CFAP54: variants seen among roughly 807,000 people sequenced by gnomAD.
CFAP54 encodes the protein cilia and flagella associated protein 54, also known as cilia- and flagella-associated protein 54.
In CFAP54, 290 loss-of-function variants were observed where a neutral mutation model predicts 370.4. That is an observed-to-expected ratio of 0.78 (90% CI 0.71 to 0.86). The LOEUF is 0.86. Ranked by LOEUF, CFAP54 falls within the 40% of genes least tolerant of loss-of-function variation. CFAP54 has a pLI of 0.00. For synonymous variants in CFAP54, 1,206 were observed against 1,236.5 expected (o/e 0.98, Z 0.52); for missense variants, 3,399 against 3,528.7 (o/e 0.96, Z 0.93).
At chr12:96,826,387 T>C (rs992624564) in intron 65 of CFAP54, among the ~76,000 whole-genome samples, 4 of 134,690 alleles carry the variant, frequency 3.0e-5, no homozygotes, top group African/African-American at 8.2e-5. Context: ...CAATATATTG[T>C]TATATATATA....
At chr12:96,865,856 T>C (rs933816821) in intron 67 of CFAP54, among the ~76,000 whole-genome samples, 3 of 152,086 alleles carry the variant, frequency 2.0e-5, no homozygotes, top group African/African-American at 7.2e-5. Context: ...AAAATCATTT[T>C]GAAACTAATG....
intron 39 of CFAP54, among the ~76,000 whole-genome samples, chr12:96,664,765 C>CTATATA (rs1209615152): frequency 1.4e-5 from 1 of 73,628 alleles, no homozygotes; most frequent in Non-Finnish European, 2.6e-5. Flanking sequence ...CTATATATAT[C>CTATATA]TATATCTATA....
Position 96,564,527 on chromosome 12 carries a change from C to T in CFAP54, c.2470C>T (p.Gln824Ter). 2.9e-6 allele frequency: 2 copies of T among 698,722 alleles called. No homozygotes were observed. Among genetic ancestry groups the T allele is most frequent in the Non-Finnish European group, 2.6e-6 (1 of 382,808 alleles). 43.3% of individuals were successfully genotyped at this position (698,722 alleles called of 1,614,324 possible). ...TACCAAGGGTCCGGAAAAGTTAAAA[C>T]AATCTGGAAGCACTGATTGTTTTAC... ...ISTKGPEKLKQSGSTDCFTEL... is the reference protein window; with the variant it reads ...ISTKGPEKLK The change falls in exon 18 of 68, where the codon CAA becomes TAA. Residue 824 changes from glutamine (Q) to a stop codon, truncating the protein, a stop_gained. Coordinates refer to ENST00000524981, the MANE Select transcript of CFAP54 (RefSeq NM_001306084.2). LOFTEE classifies it high-confidence loss of function.
chr12:96,647,907 T>C lies in CFAP54; in HGVS notation c.4580T>C (p.Leu1527Pro), dbSNP rs1424085197. The change falls in exon 34 of 68, where the codon CTG becomes CCG. Residue 1527 changes from leucine to proline, a missense_variant. By Grantham distance (98) the Leu-to-Pro change is moderately conservative (BLOSUM62 -3). Coordinates refer to ENST00000524981, the MANE Select transcript of CFAP54 (RefSeq NM_001306084.2). ...TCATGTGATCCTAACATGTTTTCAC[T>C]GTATAATTCAGGAACAGTATTACCA... is the stretch of plus-strand genomic sequence containing the variant. ...FRSCDPNMFS[L>P]YNSGTVLPTR... 6 of 1,509,924 alleles carry C rather than the reference T, an allele frequency of 4.0e-6. No homozygotes were observed. The highest frequency in any genetic ancestry group is 5.3e-6 in the Non-Finnish European group (6 of 1,138,360). 93.5% of individuals were successfully genotyped at this position (1,509,924 alleles called of 1,614,324 possible).
chr12:96,854,847 A>G (rs1959655828), intron 66 of CFAP54, among the ~76,000 whole-genome samples: 1 of 152,204 alleles, frequency 6.6e-6, no homozygotes, highest in Admixed American at 6.5e-5. Context: ...AAGGTTTGTT[A>G]CATAGGTAAA....
chr12:96,691,048 A>C, intron 43 of CFAP54, 80 bp from the exon 44 acceptor site: 6 of 1,203,958 alleles, frequency 5.0e-6, no homozygotes, highest in Non-Finnish European at 7.2e-6. Flanking sequence ...TTATAAAGCA[A>C]TACATGTATT....
At chr12:96,746,182 C>T (rs1296168365) in intron 55 of CFAP54, among the ~76,000 whole-genome samples, 1 of 152,168 alleles carries the variant, frequency 6.6e-6, no homozygotes, top group African/African-American at 2.4e-5. Flanking sequence ...CCTTACTCAA[C>T]ACATCCTTTT....
chr12:96,807,049 G>A (rs947965510), intron 63 of CFAP54, among the ~76,000 whole-genome samples: 1 of 152,178 alleles, frequency 6.6e-6, no homozygotes, highest in African/African-American at 2.4e-5. Context: ...GCAGCTTACA[G>A]TTCTAATGAT....
At chr12:96,788,797 A>C (rs958820769) in intron 62 of CFAP54, among the ~76,000 whole-genome samples, 1 of 152,164 alleles carries the variant, frequency 6.6e-6, no homozygotes, top group African/African-American at 2.4e-5. Flanking sequence ...CAGTTAAAGA[A>C]ATGATTCTCA....
intron 49 of CFAP54, among the ~76,000 whole-genome samples, chr12:96,720,054 C>T (rs1378186949): frequency 6.6e-6 from 1 of 152,208 alleles, no homozygotes; most frequent in Non-Finnish European, 1.5e-5. Flanking sequence ...TGACCAGAGG[C>T]TCTCGGGTAC....
rs1295538857 is a variant in CFAP54 at position 96,615,415 on chromosome 12, G to A, written c.3640-6175G>A. On this transcript the variant is annotated intron_variant, in intron 26 of 67. Coordinates refer to ENST00000524981, the MANE Select transcript of CFAP54 (RefSeq NM_001306084.2). ...ACCTAAAACCATAAAAACCCTAGAA[G>A]AAAACCTAGGCAATACCATTCAGGA... 3.3e-5 allele frequency among the ~76,000 whole-genome samples: 5 copies of A among 152,114 alleles called. No individual in the cohort carries two copies. In the East Asian group the frequency reaches 9.6e-4, roughly 29 times the overall value.
chr12:96,874,225 C>T (rs1470629657), intron 67 of CFAP54, among the ~76,000 whole-genome samples: 1 of 152,156 alleles, frequency 6.6e-6, no homozygotes, highest in Non-Finnish European at 1.5e-5. Context: ...AACAGGGGCA[C>T]ATTGACACTC....
At chr12:96,657,570 GAATTAA>G (rs1193662177) in intron 36 of CFAP54, among the ~76,000 whole-genome samples, 1 of 152,134 alleles carries the variant, frequency 6.6e-6, no homozygotes, top group Non-Finnish European at 1.5e-5. Flanking sequence ...AAACTTGAAT[GAATTAA>G]AATTAAACGA....
chr12:96,705,744 A>G (rs1957540064), intron 47 of CFAP54, among the ~76,000 whole-genome samples: 1 of 152,168 alleles, frequency 6.6e-6, no homozygotes, highest in Non-Finnish European at 1.5e-5. Context: ...GACTCTTCAG[A>G]TTATACTTTA....
intron 46 of CFAP54, 49 bp downstream of exon 46, chr12:96,700,142 C>T (rs771866498): frequency 1.9e-6 from 3 of 1,542,142 alleles, no homozygotes; most frequent in Non-Finnish European, 2.6e-6. Context: ...ATGAGGGATA[C>T]ATTCCTAAAA....
intron 64 of CFAP54, 21 bp from the exon 65 acceptor site, chr12:96,817,754 A>G (rs757650730): frequency 7.8e-6 from 11 of 1,402,738 alleles, no homozygotes; most frequent in East Asian, 2.5e-5. Flanking sequence ...AATAAAATAC[A>G]TATATATTTG....
chr12:96,764,349 G>A (rs1015409806), intron 59 of CFAP54, 100 bp downstream of exon 59: 28 of 794,942 alleles, frequency 3.5e-5, no homozygotes, highest in Non-Finnish European at 5.3e-5. Context: ...GGAGTTGGGT[G>A]TGATACCTCA....
intron 50 of CFAP54, among the ~76,000 whole-genome samples, chr12:96,720,912 C>T (rs1031803762): frequency 5.9e-5 from 9 of 151,648 alleles, no homozygotes; most frequent in African/African-American, 1.7e-4. Flanking sequence ...CCCAGCTACT[C>T]GGGAGGCTAA....
chr12:96,657,897 G>C lies in CFAP54; in HGVS notation c.5116G>C (p.Gly1706Arg). The change falls in exon 37 of 68, where the codon GGA becomes CGA. Residue 1706 changes from glycine to arginine, a missense_variant. Coordinates refer to ENST00000524981, the MANE Select transcript of CFAP54 (RefSeq NM_001306084.2). ...CTACTTGCAGCCTATTGAAGACAAAGGAGAATTCAGTGTTCCAAGCTGTTA... is the reference window on the plus strand; with the variant it reads ...CTACTTGCAGCCTATTGAAGACAAACGAGAATTCAGTGTTCCAAGCTGTTA... ...TSSIKPIEDK[G>R]EFSVPSCYGN... The C allele has an allele frequency of 1.2e-6, 2 of 1,611,212 alleles. No homozygotes were observed. Among genetic ancestry groups the C allele is most frequent in the Non-Finnish European group, 1.7e-6 (2 of 1,178,754 alleles).
Sources: allele counts gnomAD v4.1 joint callset (sites outside exome capture counted in the v4.1 genomes callset), GRCh38; gene constraint gnomAD v4.1.1; transcripts MANE v1.5; gene names NCBI Gene and HGNC (gene_info 2026-07-23, HGNC 2026-07-21).